GPC6: variants seen among roughly 807,000 people sequenced by gnomAD.
GPC6 encodes the protein glypican 6.
Under a neutral mutation model 55.2 loss-of-function variants are expected in GPC6, and 14 were observed. The observed-to-expected ratio is 0.25, with a 90% CI of 0.17 to 0.40. GPC6 has a LOEUF of 0.40. Among genes scored for constraint, GPC6 ranks in the 10% least tolerant of loss-of-function variants. GPC6 has a pLI of 1.00. For synonymous variants in GPC6, 278 were observed against 259.6 expected, an observed-to-expected ratio of 1.07 and a Z score of -0.68; for missense variants, 641 against 708.5, an observed-to-expected ratio of 0.90 and a Z score of 1.08.
chr13:93,295,489 TTTTG>T (rs1878462928), intron 1 of GPC6, among the ~76,000 whole-genome samples: 1 of 151,782 alleles, frequency 6.6e-6, no homozygotes. Context: ...TTGTTTTGTT[TTTTG>T]TTTGTTTGTG....
chr13:94,389,622 C>G (rs549800737), intron 7 of GPC6, among the ~76,000 whole-genome samples: 1 of 152,172 alleles, frequency 6.6e-6, no homozygotes, highest in Admixed American at 6.5e-5. Flanking sequence ...GACCCTTTTT[C>G]CAAACTCAGA....
intron 1 of GPC6, among the ~76,000 whole-genome samples, chr13:93,338,598 G>T (rs996075109): frequency 6.6e-6 from 1 of 152,138 alleles, no homozygotes; most frequent in African/African-American, 2.4e-5. Flanking sequence ...AGGCTGAGAA[G>T]AAAAATGTGG....
chr13:94,235,861 C>T (rs575406156), intron 4 of GPC6, among the ~76,000 whole-genome samples: 2 of 152,096 alleles, frequency 1.3e-5, no homozygotes, highest in African/African-American at 2.4e-5. Context: ...ATCAGAGATT[C>T]GCTGAGAATA....
At chr13:94,208,480 C>T (rs907740007) in intron 4 of GPC6, among the ~76,000 whole-genome samples, 15 of 151,694 alleles carry the variant, frequency 9.9e-5, no homozygotes, top group South Asian at 2.1e-4. Flanking sequence ...ATTTGATGTA[C>T]GTCTTTAAAA....
At chr13:94,384,793 C>T (rs533243322) in intron 7 of GPC6, among the ~76,000 whole-genome samples, 1 of 152,254 alleles carries the variant, frequency 6.6e-6, no homozygotes, top group Non-Finnish European at 1.5e-5. Context: ...TGGCAATACC[C>T]TACCTCTTAA....
At chr13:94,026,576 T>C (rs913661657) in intron 3 of GPC6, among the ~76,000 whole-genome samples, 9 of 152,136 alleles carry the variant, frequency 5.9e-5, no homozygotes, top group Non-Finnish European at 1.3e-4. Flanking sequence ...TTACATCTAG[T>C]CATGAATAAG....
At chr13:94,278,767 T>C (rs974069553) in intron 4 of GPC6, among the ~76,000 whole-genome samples, 2 of 152,234 alleles carry the variant, frequency 1.3e-5, no homozygotes, top group African/African-American at 2.4e-5. Context: ...GAGCCAGCCT[T>C]GCATCCCAGG....
At chr13:93,710,912 A>G (rs993515936) in intron 2 of GPC6, among the ~76,000 whole-genome samples, 30 of 151,832 alleles carry the variant, frequency 2.0e-4, no homozygotes, top group Non-Finnish European at 3.8e-4. Context: ...CTTAAGATAA[A>G]CAATATAATC....
At chr13:93,783,429 A>T (rs1885719608) in intron 2 of GPC6, among the ~76,000 whole-genome samples, 1 of 152,092 alleles carries the variant, frequency 6.6e-6, no homozygotes, top group African/African-American at 2.4e-5. Context: ...TGATTGAACT[A>T]AATTTACCCT....
intron 4 of GPC6, among the ~76,000 whole-genome samples, chr13:94,029,169 G>A (rs1566308859): frequency 6.6e-6 from 1 of 150,880 alleles, no homozygotes; most frequent in African/African-American, 2.5e-5. Context: ...AGGTTAACAG[G>A]CCTCAGCTCT....
chr13:94,016,258 A>G (rs919745810), intron 3 of GPC6, among the ~76,000 whole-genome samples: 3 of 152,124 alleles, frequency 2.0e-5, no homozygotes, highest in Admixed American at 1.3e-4. Context: ...TTTATTTTAT[A>G]CCATATTTTT....
chr13:94,034,247 A>AGGAAGGAAGGTG (rs141372123), intron 4 of GPC6, among the ~76,000 whole-genome samples: 4 of 146,932 alleles, frequency 2.7e-5, no homozygotes, highest in African/African-American at 9.9e-5. Flanking sequence ...GAAGGAAGGA[A>AGGAAGGAAGGTG]GGAAAGAAAG....
At chr13:94,187,092 T>C (rs1889220882) in intron 4 of GPC6, 1 of 152,132 alleles carries the variant, frequency 6.6e-6, no homozygotes, top group African/African-American at 2.4e-5. Flanking sequence ...GATCCTGGAG[T>C]CAATCTCCTT....
At chr13:93,471,832 A>G (rs964606815) in intron 1 of GPC6, among the ~76,000 whole-genome samples, 6 of 152,214 alleles carry the variant, frequency 3.9e-5, no homozygotes, top group Non-Finnish European at 8.8e-5. Flanking sequence ...ATGCATGTGC[A>G]TAGAATGTAT....
intron 2 of GPC6, among the ~76,000 whole-genome samples, chr13:93,701,332 A>G (rs1230738371): frequency 6.6e-6 from 1 of 152,110 alleles, no homozygotes; most frequent in East Asian, 1.9e-4. Context: ...TTCTCAGTGC[A>G]TTTAAAATTT....
chr13:94,263,051 T>C (rs944841), intron 4 of GPC6, among the ~76,000 whole-genome samples: 35,915 of 152,060 alleles, frequency 0.24, 4,316 homozygotes, highest in South Asian at 0.28. Context: ...ATGTCAAGCA[T>C]TGGATTTGCT....
intron 3 of GPC6, among the ~76,000 whole-genome samples, chr13:93,871,470 C>G (rs1181916364): frequency 6.6e-6 from 1 of 151,946 alleles, no homozygotes; most frequent in African/African-American, 2.4e-5. Context: ...TTAAAATAAC[C>G]TGTTTGATCT....
At chr13:93,415,026 G>A (rs1876646956) in intron 1 of GPC6, among the ~76,000 whole-genome samples, 1 of 152,162 alleles carries the variant, frequency 6.6e-6, no homozygotes, top group South Asian at 2.1e-4. Flanking sequence ...TTGGTTGATA[G>A]CCTCCGGGGC....
At chr13:93,294,424 T>C (rs1015383994) in intron 1 of GPC6, among the ~76,000 whole-genome samples, 12 of 152,210 alleles carry the variant, frequency 7.9e-5, no homozygotes, top group Non-Finnish European at 1.6e-4. Flanking sequence ...TCCTAATAAC[T>C]TCTTCCCCCA....
Sources: allele counts gnomAD v4.1 joint callset (sites outside exome capture counted in the v4.1 genomes callset), GRCh38; gene constraint gnomAD v4.1.1; transcripts MANE v1.5; gene names NCBI Gene and HGNC (gene_info 2026-07-23, HGNC 2026-07-21).